The following BIK variants were observed in gnomAD, a reference collection of about 807,000 sequenced individuals.
BIK encodes BCL2 interacting killer.
A neutral mutation model predicts 12.1 loss-of-function variants in BIK; 14 were observed. That is an observed-to-expected ratio of 1.16 (90% CI 0.77 to 1.81). The LOEUF (loss-of-function observed/expected upper bound fraction) is 1.81. Ranked by LOEUF, BIK falls within the 40% of genes most tolerant of loss-of-function variation. BIK has a pLI of 0.00. For missense variants in BIK, 215 were observed against 207.9 expected, an observed-to-expected ratio of 1.03 and a Z score of -0.21; for synonymous variants, 86 against 92.3, an observed-to-expected ratio of 0.93 and a Z score of 0.39.
intron 1 of BIK, among the ~76,000 whole-genome samples, chr22:43,115,721 C>T (rs1431947443): frequency 6.6e-6 from 1 of 152,030 alleles, no homozygotes; most frequent in Non-Finnish European, 1.5e-5. Context: ...CCTCAACCTC[C>T]CAAAGTGCTA....
At chr22:43,127,313 A>G (rs913009834) in intron 2 of BIK, among the ~76,000 whole-genome samples, 1 of 152,048 alleles carries the variant, frequency 6.6e-6, no homozygotes, top group African/African-American at 2.4e-5. Flanking sequence ...GGGCTCAGCC[A>G]TCCGGGGGAC....
chr22:43,128,107 A>G (rs972770999), intron 3 of BIK, among the ~76,000 whole-genome samples: 5 of 151,716 alleles, frequency 3.3e-5, no homozygotes, highest in Non-Finnish European at 5.9e-5. Flanking sequence ...AGGGGGTGCT[A>G]CGTGAGCTCG....
intron 1 of BIK, among the ~76,000 whole-genome samples, chr22:43,119,138 C>G (rs958597546): frequency 6.6e-6 from 1 of 151,620 alleles, no homozygotes; most frequent in East Asian, 1.9e-4. Flanking sequence ...GCATCCTAAC[C>G]TCTTAGGGTA....
At chr22:43,121,050 C>A (rs1930209503) in intron 1 of BIK, among the ~76,000 whole-genome samples, 1 of 152,192 alleles carries the variant, frequency 6.6e-6, no homozygotes, top group South Asian at 2.1e-4. Flanking sequence ...TGGCATGTGC[C>A]TGTAATCCCA....
intron 2 of BIK, among the ~76,000 whole-genome samples, chr22:43,124,436 G>A (rs1402091786): frequency 6.6e-6 from 1 of 152,150 alleles, no homozygotes; most frequent in Non-Finnish European, 1.5e-5. Context: ...AGATGGACCT[G>A]GGGCCCCTGG....
intron 1 of BIK, among the ~76,000 whole-genome samples, chr22:43,115,215 G>A (rs1415262796): frequency 6.6e-6 from 1 of 152,146 alleles, no homozygotes; most frequent in African/African-American, 2.4e-5. Context: ...GTCCTGGGGA[G>A]GGTGGGGAGG....
rs1354292945 is a variant in BIK, at chr22:43,124,037, A to G, written c.15A>G (p.Arg5=). The G allele has an allele frequency of 1.2e-6, 2 of 1,613,550 alleles. No homozygotes were observed. The highest frequency in any genetic ancestry group is 2.7e-5 in the African/African-American group (2 of 74,752). The change falls in exon 2 of 5, where the codon AGA becomes AGG. Residue 5 remains arginine (R), a synonymous_variant. Coordinates refer to ENST00000216115, the MANE Select transcript of BIK (RefSeq NM_001197.5). Reference sequence around the variant, plus strand: ...CCAGAGGAGAAATGTCTGAAGTAAGACCCCTCTCCAGAGACATCTTGATGG... The same window carrying G: ...CCAGAGGAGAAATGTCTGAAGTAAGGCCCCTCTCCAGAGACATCTTGATGG... MSEV[R]PLSRDILMET...
Position 43,125,946 on chromosome 22 carries a change from T to C in BIK, c.162-1751T>C, listed in dbSNP as rs576290341. ...GACCTGACCCTTGCACTCTGCCAACTGCTCCCAGCTATGTCCAGCACACGG... is the reference window on the plus strand; with the variant it reads ...GACCTGACCCTTGCACTCTGCCAACCGCTCCCAGCTATGTCCAGCACACGG... On this transcript the variant is annotated intron_variant, in intron 2 of 4. Coordinates refer to ENST00000216115, the MANE Select transcript of BIK (RefSeq NM_001197.5). Among the ~76,000 whole-genome samples, 44 of 152,008 alleles carry C rather than the reference T, an allele frequency of 2.9e-4. 1 individual carries two copies. Among genetic ancestry groups the C allele is most frequent in the African/African-American group, 9.9e-4 (41 of 41,432 alleles).
At chr22:43,127,855 G>A (rs942540338) in intron 3 of BIK, 60 bp downstream of exon 3, 12 of 1,470,906 alleles carry the variant, frequency 8.2e-6, no homozygotes, top group South Asian at 1.2e-5. Flanking sequence ...GGTGGGTGGA[G>A]GCCCTGAACA....
intron 3 of BIK, among the ~76,000 whole-genome samples, chr22:43,128,195 C>T (rs1478132529): frequency 6.6e-6 from 1 of 152,010 alleles, no homozygotes; most frequent in Non-Finnish European, 1.5e-5. Context: ...TGTGAGGGCC[C>T]TGTAGAATGG....
chr22:43,111,499 C>T (rs889187144), intron 1 of BIK, among the ~76,000 whole-genome samples: 2 of 152,070 alleles, frequency 1.3e-5, no homozygotes, highest in Non-Finnish European at 2.9e-5. Flanking sequence ...TGCGCCCCTG[C>T]GGGTGACCCG....
chr22:43,124,899 G>A (rs1930285186), intron 2 of BIK, among the ~76,000 whole-genome samples: 1 of 151,884 alleles, frequency 6.6e-6, no homozygotes. Flanking sequence ...CTCAAAAAAA[G>A]AAAACCTACT....
chr22:43,128,605 T>C lies in BIK; in HGVS notation c.370T>C (p.Ser124Pro). 1 of 1,611,866 alleles carries C rather than the reference T, an allele frequency of 6.2e-7. No individual in the cohort carries two copies. The highest frequency in any genetic ancestry group is 8.5e-7 in the Non-Finnish European group (1 of 1,178,622). The change falls in exon 4 of 5, where the codon TCC becomes CCC. Residue 124 changes from serine to proline, a missense_variant. Ser to Pro is a moderately conservative substitution (Grantham distance 74). Coordinates refer to ENST00000216115, the MANE Select transcript of BIK (RefSeq NM_001197.5). ...LKENIMRFWR[S>P]PNPGSWVSCE... ...GGAGAACATAATGAGGTTCTGGAGA[T>C]CCCCGAACCCCGGGTCCTGGGTAAG...
At position 43,128,578 on chromosome 22, in the gene BIK, A is replaced by G; in HGVS notation, c.343A>G (p.Lys115Glu). Residue 115 changes from lysine (K) to glutamate (E), a missense_variant, in exon 4 of 5, where the codon AAG (lysine) becomes GAG (glutamate). Coordinates refer to ENST00000216115, the MANE Select transcript of BIK (RefSeq NM_001197.5). ...RSFMDGFTTL[K>E]ENIMRFWRSP... ...TTTCATGGACGGTTTCACCACACTT[A>G]AGGAGAACATAATGAGGTTCTGGAG... 2 of 1,613,954 alleles carry G rather than the reference A, an allele frequency of 1.2e-6. No homozygotes were observed. The highest frequency in any genetic ancestry group is 1.7e-6 in the Non-Finnish European group (2 of 1,179,870).
At chr22:43,129,068 T>C (rs1930382279) in intron 4 of BIK, 145 bp from the exon 5 acceptor site, 2 of 1,442,006 alleles carry the variant, frequency 1.4e-6, no homozygotes, top group Non-Finnish European at 1.9e-6. Flanking sequence ...TTTCCCCCTC[T>C]CCTGAACTCC....
chr22:43,127,632 T>G, intron 2 of BIK, 65 bp from the exon 3 acceptor site: 1 of 1,405,104 alleles, frequency 7.1e-7, no homozygotes, highest in Non-Finnish European at 9.7e-7. Flanking sequence ...GTTGGCTGGG[T>G]GGGTCCAGGT....
chr22:43,119,712 C>T (rs1930183337), intron 1 of BIK, among the ~76,000 whole-genome samples: 1 of 152,164 alleles, frequency 6.6e-6, no homozygotes, highest in Non-Finnish European at 1.5e-5. Flanking sequence ...AGGCCAGCCT[C>T]ATACCCATCC....
At chr22:43,128,364 G>A in intron 3 of BIK, 132 bp from the exon 4 acceptor site, 1 of 1,179,698 alleles carries the variant, frequency 8.5e-7, no homozygotes, top group African/African-American at 1.5e-5. Flanking sequence ...CACGGAAAGG[G>A]CCCCGGGTGG....
At chr22:43,128,085 C>T (rs1476283320) in intron 3 of BIK, among the ~76,000 whole-genome samples, 3 of 152,052 alleles carry the variant, frequency 2.0e-5, no homozygotes, top group Non-Finnish European at 2.9e-5. Flanking sequence ...ACATTTCCAC[C>T]GTGGTCTTAA....
Sources: allele counts gnomAD v4.1 joint callset (sites outside exome capture counted in the v4.1 genomes callset), GRCh38; gene constraint gnomAD v4.1.1; transcripts MANE v1.5; gene names NCBI Gene and HGNC (gene_info 2026-07-23, HGNC 2026-07-21).